PDZD8: variants seen among roughly 807,000 people sequenced by gnomAD.
PDZD8 encodes the protein PDZ domain containing 8, also known as PDZ domain-containing protein 8.
A neutral mutation model predicts 85.8 loss-of-function variants in PDZD8; 14 were observed. The observed-to-expected ratio is 0.16, with a 90% CI of 0.11 to 0.26. The LOEUF (loss-of-function observed/expected upper bound fraction) is 0.26. PDZD8 is among the 10% of genes least tolerant of loss of function. The pLI, the probability that PDZD8 is intolerant of heterozygous loss-of-function variation, is 1.00. For synonymous variants in PDZD8, 592 were observed against 568.6 expected (o/e 1.04, Z -0.59); for missense variants, 1,197 against 1,424.3 (o/e 0.84, Z 2.57).
Position 117,294,338 on chromosome 10 carries a change from A to ACC in PDZD8, c.1099-3991_1099-3990insGG, listed in dbSNP as rs61513196. Among the ~76,000 whole-genome samples, 59 of 148,606 alleles carry ACC rather than the reference A, an allele frequency of 4.0e-4. 1 individual carries two copies. Among genetic ancestry groups the ACC allele is most frequent in the Middle Eastern group, 3.5e-3 (1 of 288 alleles). ...TATTACCAAAAAGACAAAAAAAAAAAAAAAAAACAAAAAAACAAATATTGA... is the reference window on the plus strand; with the variant it reads ...TATTACCAAAAAGACAAAAAAAAAAACCAAAAAAACAAAAAAACAAATATTGA... On this transcript the variant is annotated intron_variant, in intron 3 of 4. Coordinates refer to ENST00000334464, the MANE Select transcript of PDZD8 (RefSeq NM_173791.5).
At chr10:117,310,661 T>A (rs1377396452) in intron 3 of PDZD8, among the ~76,000 whole-genome samples, 1 of 152,190 alleles carries the variant, frequency 6.6e-6, no homozygotes, top group African/African-American at 2.4e-5. Flanking sequence ...TTATATATGG[T>A]TAAAATTTCA....
intron 2 of PDZD8, among the ~76,000 whole-genome samples, chr10:117,326,987 A>AT (rs1844328738): frequency 6.6e-6 from 1 of 152,214 alleles, no homozygotes; most frequent in African/African-American, 2.4e-5. Flanking sequence ...CTTAGGGAAC[A>AT]TACTCCAAAC....
At chr10:117,321,725 C>A in intron 2 of PDZD8, among the ~76,000 whole-genome samples, 1 of 151,828 alleles carries the variant, frequency 6.6e-6, no homozygotes, top group Admixed American at 6.6e-5. Context: ...GGTAAGGTTA[C>A]ATTTAAAGTT....
rs1844581716 is a variant in PDZD8, at chr10:117,281,937, T to C, written c.*1331A>G. ...CATATACTTGTCTATTTTATAGGTA[T>C]ATAACAGACCGAAACCATTAAGGTA... On this transcript the variant is annotated 3_prime_UTR_variant, in exon 5 of 5. Coordinates refer to ENST00000334464, the MANE Select transcript of PDZD8 (RefSeq NM_173791.5). The C allele has an allele frequency of 6.6e-6, 1 of 152,212 alleles. No homozygotes were observed. The highest frequency in any genetic ancestry group is 2.1e-4 in the South Asian group (1 of 4,832). 9.4% of individuals were successfully genotyped at this position (152,212 alleles called of 1,614,324 possible). A position where few individuals can be genotyped will look rare whatever the true frequency, so the allele number is the denominator to read the frequency against.
At chr10:117,325,694 C>T (rs952306739) in intron 2 of PDZD8, among the ~76,000 whole-genome samples, 5 of 152,218 alleles carry the variant, frequency 3.3e-5, no homozygotes, top group Admixed American at 6.5e-5. Context: ...TGAGCCACCA[C>T]GCCCAGCCAA....
chr10:117,302,296 C>G (rs1283779050), intron 3 of PDZD8, among the ~76,000 whole-genome samples: 4 of 152,186 alleles, frequency 2.6e-5, no homozygotes, highest in African/African-American at 9.7e-5. Context: ...AAAGGAGATA[C>G]CACATTTACT....
intron 2 of PDZD8, 67 bp from the exon 3 acceptor site, chr10:117,319,041 A>G (rs1844180181): frequency 9.2e-7 from 1 of 1,090,448 alleles, no homozygotes; most frequent in Non-Finnish European, 1.4e-6. Flanking sequence ...TTTCTTTCTG[A>G]TTATTATAAC....
intron 1 of PDZD8, among the ~76,000 whole-genome samples, chr10:117,368,627 T>C (rs549672390): frequency 2.6e-5 from 4 of 152,294 alleles, no homozygotes; most frequent in East Asian, 1.9e-4. Context: ...AATTCAAATA[T>C]ACTGTCAATA....
intron 2 of PDZD8, among the ~76,000 whole-genome samples, chr10:117,329,655 G>A (rs1035271668): frequency 1.3e-5 from 2 of 152,010 alleles, no homozygotes; most frequent in Non-Finnish European, 2.9e-5. Flanking sequence ...ACAAAGAAAA[G>A]TACAAAATGA....
At chr10:117,373,183 A>G (rs1249759378) in intron 1 of PDZD8, among the ~76,000 whole-genome samples, 1 of 152,170 alleles carries the variant, frequency 6.6e-6, no homozygotes, top group East Asian at 1.9e-4. Context: ...CAATATTAAA[A>G]CAAAATTTAT....
intron 2 of PDZD8, among the ~76,000 whole-genome samples, chr10:117,325,616 TG>T (rs1346171172): frequency 6.6e-6 from 1 of 151,944 alleles, no homozygotes; most frequent in East Asian, 1.9e-4. Flanking sequence ...TTGGCCAGGC[TG>T]GTTTCAAACT....
chr10:117,298,891 T>C (rs1291655127), intron 3 of PDZD8, among the ~76,000 whole-genome samples: 1 of 152,132 alleles, frequency 6.6e-6, no homozygotes, highest in Non-Finnish European at 1.5e-5. Flanking sequence ...CAGCCCTCCA[T>C]ATCCACAAGG....
intron 1 of PDZD8, among the ~76,000 whole-genome samples, chr10:117,362,978 C>T (rs1327465518): frequency 1.3e-5 from 2 of 152,044 alleles, no homozygotes; most frequent in Non-Finnish European, 2.9e-5. Flanking sequence ...TAAGAACTAA[C>T]AAGATTTCCA....
intron 3 of PDZD8, among the ~76,000 whole-genome samples, chr10:117,309,915 A>T (rs770881244): frequency 2.6e-5 from 4 of 152,136 alleles, no homozygotes; most frequent in Non-Finnish European, 4.4e-5. Context: ...GCTGAGACTC[A>T]AATCCAGCTC....
chr10:117,373,980 G>T (rs1298617783), intron 1 of PDZD8, among the ~76,000 whole-genome samples: 1 of 152,202 alleles, frequency 6.6e-6, no homozygotes, highest in Admixed American at 6.5e-5. Flanking sequence ...TGCAAAGCCA[G>T]TGACGCGGCT....
intron 3 of PDZD8, among the ~76,000 whole-genome samples, chr10:117,310,493 T>TC (rs1181136410): frequency 3.9e-5 from 6 of 152,100 alleles, no homozygotes; most frequent in Non-Finnish European, 8.8e-5. Context: ...TCCTATTCTT[T>TC]CCCCAGCATC....
rs1365699087 is a variant in PDZD8 at position 117,375,106 on chromosome 10, G to A, written c.122C>T (p.Ala41Val). ...PEPPADEAAR[A>V]GEGFRYIKPV... ...CTTGATGTAGCGGAAGCCCTCGCCC[G>A]CGCGGGCGGCCTCGTCCGCCGGCGG... Residue 41 changes from alanine to valine, a missense_variant, in exon 1 of 5, where the codon GCG becomes GTG. Around this residue, in one of 4 missense-constraint regions of PDZD8, gnomAD observed 172 missense variants for 137.8 expected, o/e 1.25. Coordinates refer to ENST00000334464, the MANE Select transcript of PDZD8 (RefSeq NM_173791.5). 1.4e-5 allele frequency: 23 copies of A among 1,594,900 alleles called. No individual in the cohort carries two copies. Among genetic ancestry groups the A allele is most frequent in the African/African-American group, 2.7e-5 (2 of 74,556 alleles).
rs1312621693 is a variant in PDZD8, at chr10:117,284,639, T to G, written c.2094A>C (p.Ala698=). The change falls in exon 5 of 5, where the codon GCA becomes GCC. Residue 698 remains alanine (A), a synonymous_variant. Transcript: ENST00000334464. ...AGGCTTCTATGTCAAACAAACAGGA[T>G]GCTCTGGTTCTTGTCCATTTTCCTA... ...NKLGKWTRTR[A]SCLFDIEACH... is the part of the protein sequence containing the mutation. 6.2e-7 allele frequency: 1 copy of G among 1,614,230 alleles called. No individual in the cohort carries two copies. Among genetic ancestry groups the G allele is most frequent in the African/African-American group, 1.3e-5 (1 of 75,060 alleles).
Position 117,356,637 on chromosome 10 carries a change from CT to C in PDZD8, c.873-15536del, listed in dbSNP as rs1222433372. On this transcript the variant is annotated intron_variant, in intron 1 of 4. Transcript: ENST00000334464. ...TTATTCCTGACCGCATTTACAAAAG[CT>C]AAATTAGGCTGGTGTGATAAGAGAA... is the stretch of plus-strand genomic sequence containing the variant. 3.1e-3 allele frequency among the ~76,000 whole-genome samples: 477 copies of C among 152,248 alleles called. 3 individuals are homozygous for C. Among genetic ancestry groups the C allele is most frequent in the African/African-American group, 0.011 (462 of 41,564 alleles).
Sources: allele counts gnomAD v4.1 joint callset (sites outside exome capture counted in the v4.1 genomes callset), GRCh38; gene constraint gnomAD v4.1.1; regional missense constraint gnomAD v4.1.1; transcripts MANE v1.5; gene names NCBI Gene and HGNC (gene_info 2026-07-23, HGNC 2026-07-21).